TNR: variants seen among roughly 807,000 people sequenced by gnomAD.
TNR encodes the protein tenascin R.
A neutral mutation model predicts 150.4 loss-of-function variants in TNR; 45 were observed. The observed-to-expected ratio is 0.30, with a 90% CI of 0.24 to 0.38. The LOEUF (loss-of-function observed/expected upper bound fraction) is 0.38. TNR is among the 10% of genes least tolerant of loss of function. The pLI is 1.00. For missense variants in TNR, 1,544 were observed against 1,759.1 expected (o/e 0.88, Z 2.19); for synonymous variants, 687 against 678.4 (o/e 1.01, Z -0.20).
At chr1:175,613,885 T>C (rs1663678935) in intron 1 of TNR, among the ~76,000 whole-genome samples, 1 of 152,064 alleles carries the variant, frequency 6.6e-6, no homozygotes, top group Non-Finnish European at 1.5e-5. Context: ...TTAAATCCCA[T>C]CCCCTCAATC....
intron 2 of TNR, among the ~76,000 whole-genome samples, chr1:175,488,979 G>A (rs1658128912): frequency 6.6e-6 from 1 of 152,218 alleles, no homozygotes; most frequent in Non-Finnish European, 1.5e-5. Flanking sequence ...ATCTGCAAGT[G>A]AATTTAAAGT....
intron 1 of TNR, among the ~76,000 whole-genome samples, chr1:175,720,654 T>C (rs1370194465): frequency 1.3e-5 from 2 of 152,218 alleles, no homozygotes; most frequent in African/African-American, 2.4e-5. Context: ...TATTCTGCAA[T>C]GGGAGCAGGA....
At chr1:175,368,379 G>A (rs1412222866) in intron 9 of TNR, among the ~76,000 whole-genome samples, 1 of 152,180 alleles carries the variant, frequency 6.6e-6, no homozygotes, top group African/African-American at 2.4e-5. Flanking sequence ...GATCAAATCT[G>A]TTTTCTCTGT....
chr1:175,391,524 T>C, intron 6 of TNR, 86 bp from the exon 7 acceptor site: 1 of 1,417,502 alleles, frequency 7.1e-7, no homozygotes. Flanking sequence ...TGTGGAATAC[T>C]AATTGTGGAT....
intron 1 of TNR, among the ~76,000 whole-genome samples, chr1:175,663,681 T>C (rs1665447279): frequency 6.6e-6 from 1 of 152,206 alleles, no homozygotes; most frequent in African/African-American, 2.4e-5. Flanking sequence ...TGTTAGATTA[T>C]GGATCTCAAG....
At chr1:175,643,278 G>C (rs60304190) in intron 1 of TNR, among the ~76,000 whole-genome samples, 7,120 of 152,266 alleles carry the variant, frequency 0.047, 531 homozygotes, top group African/African-American at 0.16. Flanking sequence ...GAGGACTTAT[G>C]TGACATCTTA....
chr1:175,423,808 A>C (rs577996259), intron 2 of TNR, among the ~76,000 whole-genome samples: 1 of 152,286 alleles, frequency 6.6e-6, no homozygotes, highest in East Asian at 1.9e-4. Context: ...GCTAGGGTCA[A>C]CTGAAACTCA....
Position 175,323,430 on chromosome 1 carries a change from A to G in TNR, c.4004T>C (p.Phe1335Ser). 1.2e-6 allele frequency: 2 copies of G among 1,614,046 alleles called. No individual in the cohort carries two copies. Among genetic ancestry groups the G allele is most frequent in the East Asian group, 2.2e-5 (1 of 44,878 alleles). Residue 1335 changes from phenylalanine (F) to serine (S), a missense_variant, in exon 23 of 23, where the codon TTT (phenylalanine) becomes TCT (serine). Physicochemically the swap from Phe to Ser is radical, Grantham distance 155 (BLOSUM62 -2). This residue lies in a region of TNR where 290 missense variants were observed against 429.7 expected (regional missense o/e 0.67). Transcript: ENST00000367674. ...HWKGHEFSIP[F>S]VEMKMRPYNH... ...GTAGGGGCGCATCTTCATTTCCACA[A>G]AGGGGATGGAGAACTCATGGCCTTT... is the stretch of plus-strand genomic sequence containing the variant.
intron 1 of TNR, among the ~76,000 whole-genome samples, chr1:175,640,910 C>T (rs73033355): frequency 0.021 from 3,233 of 151,886 alleles, 98 homozygotes; most frequent in African/African-American, 0.071. Context: ...ATAGAAGTGC[C>T]TTGTATGAGA....
intron 2 of TNR, among the ~76,000 whole-genome samples, chr1:175,453,647 A>C (rs1656426766): frequency 6.6e-6 from 1 of 152,012 alleles, no homozygotes; most frequent in South Asian, 2.1e-4. Context: ...CACAGCCTTG[A>C]GCTCCTGTGC....
intron 2 of TNR, among the ~76,000 whole-genome samples, chr1:175,423,530 T>A (rs149888334): frequency 2.6e-5 from 4 of 152,314 alleles, no homozygotes; most frequent in Admixed American, 1.3e-4. Context: ...TGGGGCTGAC[T>A]AGGATGTGAA....
At chr1:175,657,742 G>A (rs1665226052) in intron 1 of TNR, among the ~76,000 whole-genome samples, 1 of 123,842 alleles carries the variant, frequency 8.1e-6, no homozygotes, top group African/African-American at 3.0e-5. Flanking sequence ...GACACAGGAA[G>A]GGGAACATCA....
chr1:175,635,786 G>A (rs909685077), intron 1 of TNR, among the ~76,000 whole-genome samples: 19 of 152,182 alleles, frequency 1.2e-4, no homozygotes, highest in African/African-American at 2.2e-4. Context: ...ACAGTCCATC[G>A]AGCCCCACAG....
chr1:175,500,788 T>C (rs1358346273), intron 2 of TNR, among the ~76,000 whole-genome samples: 3 of 151,982 alleles, frequency 2.0e-5, no homozygotes, highest in African/African-American at 7.3e-5. Context: ...ACAGAAGAGG[T>C]CTGGAGCAGG....
intron 2 of TNR, among the ~76,000 whole-genome samples, chr1:175,527,279 T>C (rs1659881997): frequency 6.6e-6 from 1 of 152,200 alleles, no homozygotes; most frequent in Non-Finnish European, 1.5e-5. Context: ...TGAATTGGAA[T>C]GTTCAAAGGT....
chr1:175,523,159 A>G (rs1267540219), intron 2 of TNR, among the ~76,000 whole-genome samples: 13 of 152,168 alleles, frequency 8.5e-5, no homozygotes, highest in Admixed American at 8.5e-4. Context: ...ACTTCCCTTG[A>G]CTGGGGAGGT....
At chr1:175,548,543 TTCTC>T (rs1660806326) in intron 1 of TNR, among the ~76,000 whole-genome samples, 1 of 152,058 alleles carries the variant, frequency 6.6e-6, no homozygotes, top group Non-Finnish European at 1.5e-5. Context: ...TATCCGCTCT[TTCTC>T]TCTTCTCTCC....
intron 1 of TNR, among the ~76,000 whole-genome samples, chr1:175,610,902 T>C (rs1215557236): frequency 6.6e-6 from 1 of 152,238 alleles, no homozygotes; most frequent in Admixed American, 6.5e-5. Context: ...CTGTAGGGCC[T>C]ACTATGCATT....
At chr1:175,615,203 C>A (rs1410231689) in intron 1 of TNR, among the ~76,000 whole-genome samples, 4 of 152,152 alleles carry the variant, frequency 2.6e-5, no homozygotes, top group African/African-American at 9.7e-5. Flanking sequence ...GAAGAGAGTA[C>A]AACCAAATTC....
Sources: allele counts gnomAD v4.1 joint callset (sites outside exome capture counted in the v4.1 genomes callset), GRCh38; gene constraint gnomAD v4.1.1; regional missense constraint gnomAD v4.1.1; transcripts MANE v1.5; gene names NCBI Gene and HGNC (gene_info 2026-07-23, HGNC 2026-07-21).